Variants in CFAP74 observed in about 807,000 individuals in gnomAD.
CFAP74 encodes the protein cilia and flagella associated protein 74.
A neutral mutation model predicts 188.9 loss-of-function variants in CFAP74; 124 were observed. That is an observed-to-expected ratio of 0.66 (90% CI 0.57 to 0.76). The LOEUF (loss-of-function observed/expected upper bound fraction) is 0.76, where lower values mean the gene tolerates loss of function less well. CFAP74 is among the 30% of genes least tolerant of loss of function. The pLI is 0.00. For synonymous variants in CFAP74, 956 were observed against 916.7 expected, an observed-to-expected ratio of 1.04 and a Z score of -0.77; for missense variants, 2,198 against 2,165.2, an observed-to-expected ratio of 1.02 and a Z score of -0.30.
chr1:1,975,922 T>A lies in CFAP74; in HGVS notation c.501-1724A>T, dbSNP rs772183437. Reference sequence around the variant, plus strand: ...CCCAGATGCTGTCGTCGCCCATTCCTGCTGCTGTAGGAAAACACCCACGAC... The same window carrying A: ...CCCAGATGCTGTCGTCGCCCATTCCAGCTGCTGTAGGAAAACACCCACGAC... On this transcript the variant is annotated intron_variant, in intron 6 of 38. Transcript: ENST00000682832. The surrounding 1 kb of genome is among the most constrained non-coding windows in gnomAD (Gnocchi z 4.5). Among the ~76,000 whole-genome samples the A allele has an allele frequency of 1.1e-4, 16 of 152,192 alleles. No individual in the cohort carries two copies. The highest frequency in any genetic ancestry group is 2.1e-4 in the Non-Finnish European group (14 of 68,030).
intron 6 of CFAP74, among the ~76,000 whole-genome samples, chr1:1,976,070 G>A (rs1443023901): frequency 1.3e-5 from 2 of 152,232 alleles, no homozygotes; most frequent in African/African-American, 4.8e-5. Context: ...GCCTGTCTGT[G>A]TCCTCACGTG....
At chr1:1,977,553 C>T (rs1343585988) in intron 6 of CFAP74, among the ~76,000 whole-genome samples, 2 of 150,656 alleles carry the variant, frequency 1.3e-5, no homozygotes, top group Non-Finnish European at 3.0e-5. Flanking sequence ...GAGAAGGATC[C>T]CAGAGGAGAA....
In CFAP74 at chr1:1,963,989, G is replaced by T. The variant is rs373463393; in HGVS notation, c.1576-122C>A. On this transcript the variant is annotated intron_variant, in intron 13 of 38. Coordinates refer to ENST00000682832, the MANE Select transcript of CFAP74 (RefSeq NM_001304360.2). ...TTTGCCAACTAGGGAGAGGTTCCCA[G>T]GGAACAATTTCCAAGGTTTCTCCCA... 14 of 714,836 alleles carry T rather than the reference G, an allele frequency of 2.0e-5. 1 individual carries two copies. Among genetic ancestry groups the T allele is most frequent in the African/African-American group, 7.1e-5 (4 of 56,102 alleles). 44.3% of individuals were successfully genotyped at this position (714,836 alleles called of 1,614,324 possible).
chr1:1,961,328 A>G (rs1462151993), intron 14 of CFAP74, among the ~76,000 whole-genome samples: 2 of 152,154 alleles, frequency 1.3e-5, no homozygotes, highest in Non-Finnish European at 1.5e-5. Context: ...AAATCAGCCC[A>G]CACCAGACGC....
rs565785442 is a variant in CFAP74, at chr1:1,964,654, G to A, written c.1575+234C>T. The stretch of plus-strand genomic sequence containing the variant: ...AAAATACAAAAATTAGCCAGGCGTG[G>A]TGGCAGGCGCCTGTAATCCCTGCTA... On this transcript the variant is annotated intron_variant, in intron 13 of 38. Coordinates refer to ENST00000682832, the MANE Select transcript of CFAP74 (RefSeq NM_001304360.2). Among the ~76,000 whole-genome samples the A allele has an allele frequency of 5.7e-4, 87 of 152,350 alleles. No individual in the cohort carries two copies. The South Asian group carries it at 0.018, about 31-fold the overall frequency.
chr1:1,944,033 G>A (rs1185872214), intron 21 of CFAP74, among the ~76,000 whole-genome samples: 1 of 152,144 alleles, frequency 6.6e-6, no homozygotes, highest in Non-Finnish European at 1.5e-5. Flanking sequence ...CCTCCCAGAT[G>A]ATCCTGGATC....
chr1:1,927,954 G>C (rs991362015), intron 27 of CFAP74: 2 of 587,408 alleles, frequency 3.4e-6, no homozygotes, highest in African/African-American at 3.8e-5. Context: ...ACAGACTGTG[G>C]CGTCTGCTTC....
Position 1,923,752 on chromosome 1 carries a change from A to G in CFAP74, c.4389+23T>C. ...GTGGGGCCAGGGCCGGGCCGGGCTGAGCTTGCAGAGCCAGAGCCGCACCTT... is the reference window on the plus strand; with the variant it reads ...GTGGGGCCAGGGCCGGGCCGGGCTGGGCTTGCAGAGCCAGAGCCGCACCTT... On this transcript the variant is annotated intron_variant, in intron 35 of 38. Transcript: ENST00000682832. This position sits in a 1 kb window ranked among gnomAD's most constrained non-coding sequence, Gnocchi z 6.3. 1.9e-6 allele frequency: 3 copies of G among 1,613,022 alleles called. No individual in the cohort carries two copies. Among genetic ancestry groups the G allele is most frequent in the Non-Finnish European group, 2.5e-6 (3 of 1,179,812 alleles).
rs1651849902 is a variant in CFAP74, at chr1:1,925,894, G to A, written c.3993C>T (p.Thr1331=). Residue 1331 remains threonine (T), a synonymous_variant, in exon 33 of 39, where the codon ACC becomes ACT. Coordinates refer to ENST00000682832, the MANE Select transcript of CFAP74 (RefSeq NM_001304360.2). ...CCACGCCAGTGCCCATGAGGGTGAG[G>A]GTGAGCGTGCCTCTCTTGGTGATGA... is the stretch of plus-strand genomic sequence containing the variant. The part of the protein sequence containing the change: ...LDIITKRGTL[T]LTLMGTGVAS... The A allele has an allele frequency of 9.3e-6, 15 of 1,612,598 alleles. No individual in the cohort carries two copies. Among genetic ancestry groups the A allele is most frequent in the Non-Finnish European group, 1.2e-5 (14 of 1,179,874 alleles).
intron 9 of CFAP74, among the ~76,000 whole-genome samples, chr1:1,971,461 G>A (rs913013283): frequency 6.6e-6 from 1 of 152,136 alleles, no homozygotes; most frequent in Non-Finnish European, 1.5e-5. Flanking sequence ...TCACACACTG[G>A]GCCGTTGAAC....
chr1:1,988,850 C>T (rs1179038880), intron 3 of CFAP74, 39 bp downstream of exon 3: 1 of 432,862 alleles, frequency 2.3e-6, no homozygotes, highest in Non-Finnish European at 4.2e-6. Flanking sequence ...CCACCCCCAC[C>T]CCCCCACACC....
At chr1:1,950,537 G>A (rs1204291160) in intron 18 of CFAP74, among the ~76,000 whole-genome samples, 1 of 151,938 alleles carries the variant, frequency 6.6e-6, no homozygotes, top group Admixed American at 6.6e-5. Context: ...ACGGGGTTTT[G>A]CCATGTTGGC....
In CFAP74 at chr1:1,966,473, G is replaced by A. The variant is rs1655480288; in HGVS notation, c.1299C>T (p.Ser433=). Residue 433 remains serine (S), a synonymous_variant, in exon 12 of 39, where the codon TCC becomes TCT. Transcript: ENST00000682832. Reference sequence around the variant, plus strand: ...CGGGGTCCCCCTGGATAAGCTCACTGGAAACGACTTCCAGCAACCGAGAGG... The same window carrying A: ...CGGGGTCCCCCTGGATAAGCTCACTAGAAACGACTTCCAGCAACCGAGAGG... ...PGPSRLLEVV[S]SELIQGDPGA... 6.2e-7 allele frequency: 1 copy of A among 1,602,598 alleles called. No individual in the cohort carries two copies. The highest frequency in any genetic ancestry group is 1.1e-5 in the South Asian group (1 of 89,736).
In CFAP74 at chr1:1,926,760, G is replaced by C; in HGVS notation, c.3664C>G (p.Pro1222Ala). Reference protein sequence around the residue: ...RKGSEPLSFSPHNTLYLELWC... With the variant: ...RKGSEPLSFSAHNTLYLELWC... ...AGCTCCAGGTACAGGGTGTTGTGGG[G>C]GCTGGGATAGGAAGGGCATGCTGAG... Residue 1222 changes from proline to alanine, a missense_variant and splice_region_variant, in exon 30 of 39, where the codon CCC (proline) becomes GCC (alanine). Transcript: ENST00000682832. The C allele has an allele frequency of 5.8e-6, 9 of 1,550,052 alleles. No homozygotes were observed. Among genetic ancestry groups the C allele is most frequent in the Non-Finnish European group, 7.0e-6 (8 of 1,146,758 alleles).
intron 9 of CFAP74, among the ~76,000 whole-genome samples, chr1:1,971,382 C>T (rs1382197810): frequency 6.6e-6 from 1 of 151,402 alleles, no homozygotes; most frequent in Non-Finnish European, 1.5e-5. Context: ...GTCACACATG[C>T]ACACACGTGC....
intron 23 of CFAP74, among the ~76,000 whole-genome samples, chr1:1,940,018 C>A (rs1431397560): frequency 6.6e-6 from 1 of 152,224 alleles, no homozygotes; most frequent in East Asian, 1.9e-4. Flanking sequence ...CTGTGTGCGG[C>A]ACACATGGGC....
At chr1:1,978,445 GTTAA>G (rs762555431) in intron 6 of CFAP74, among the ~76,000 whole-genome samples, 4 of 152,138 alleles carry the variant, frequency 2.6e-5, no homozygotes, top group Non-Finnish European at 4.4e-5. Context: ...TGGGGCGGTG[GTTAA>G]TTGATTTTGG....
At chr1:2,003,404 T>A (rs974547670) in intron 1 of CFAP74, among the ~76,000 whole-genome samples, 1 of 152,128 alleles carries the variant, frequency 6.6e-6, no homozygotes, top group African/African-American at 2.4e-5. Flanking sequence ...TCACGAGTCT[T>A]AACTGTTCAC....
chr1:1,956,230 C>T (rs532678859), intron 17 of CFAP74, among the ~76,000 whole-genome samples: 11 of 152,322 alleles, frequency 7.2e-5, no homozygotes, highest in African/African-American at 2.4e-4. Flanking sequence ...CAGGACAAGA[C>T]GCGCTCACAC....
Sources: allele counts gnomAD v4.1 joint callset (sites outside exome capture counted in the v4.1 genomes callset), GRCh38; gene constraint gnomAD v4.1.1; non-coding constraint Gnocchi (gnomAD v3.1); transcripts MANE v1.5; gene names NCBI Gene and HGNC (gene_info 2026-07-23, HGNC 2026-07-21).